The following WDR19 variants were observed in gnomAD, a reference collection of about 807,000 sequenced individuals.
The protein encoded by WDR19 is WD repeat-containing protein 19.
WDR19 carries 121 observed loss-of-function variants against 180.0 expected under a neutral mutation model. That is an observed-to-expected ratio of 0.67 (90% CI 0.58 to 0.78). The LOEUF is 0.78. WDR19 is among the 30% of genes least tolerant of loss of function. The pLI, the probability that WDR19 is intolerant of heterozygous loss-of-function variation, is 0.00. For synonymous variants in WDR19, 497 were observed against 540.7 expected (o/e 0.92, Z 1.12); for missense variants, 1,450 against 1,640.7 (o/e 0.88, Z 2.01).
intron 24 of WDR19, among the ~76,000 whole-genome samples, chr4:39,250,346 G>A (rs1218769795): frequency 6.6e-6 from 1 of 152,190 alleles, no homozygotes; most frequent in African/African-American, 2.4e-5. Context: ...AGGTATTGAT[G>A]AGACGTATCT....
At chr4:39,203,566 T>C in intron 6 of WDR19, 76 bp from the exon 7 acceptor site, 1 of 1,224,270 alleles carries the variant, frequency 8.2e-7, no homozygotes. Flanking sequence ...TGAAAACAAG[T>C]TATCCATTCT....
In WDR19 at chr4:39,273,041, A is replaced by G. The variant is rs1277873234; in HGVS notation, c.3545A>G (p.Asn1182Ser). ...CGCATGCTCATTCGGGTGGCCAACA[A>G]CATCAGCAAATTTCCATCACGTAAG... is the stretch of plus-strand genomic sequence containing the variant. ...GARMLIRVANNISKFPSHIVP... is the reference protein window; with the variant it reads ...GARMLIRVANSISKFPSHIVP... Residue 1182 changes from asparagine (N) to serine (S), a missense_variant, in exon 32 of 37, where the codon AAC (asparagine) becomes AGC (serine). Asn to Ser is a conservative substitution (Grantham distance 46). Transcript: ENST00000399820. 1.9e-6 allele frequency: 3 copies of G among 1,605,492 alleles called. No homozygotes were observed. The highest frequency in any genetic ancestry group is 2.6e-6 in the Non-Finnish European group (3 of 1,176,148).
chr4:39,235,505 A>C (rs899702288), intron 20 of WDR19, among the ~76,000 whole-genome samples: 15 of 152,186 alleles, frequency 9.9e-5, no homozygotes, highest in African/African-American at 3.6e-4. Flanking sequence ...ACTTATGTTC[A>C]TGGTTCTGAC....
At chr4:39,201,464 C>T (rs955282001) in intron 6 of WDR19, among the ~76,000 whole-genome samples, 1 of 152,074 alleles carries the variant, frequency 6.6e-6, no homozygotes, top group Admixed American at 6.6e-5. Flanking sequence ...GTAGATAGTG[C>T]AAAACATTTA....
At position 39,210,748 on chromosome 4, in the gene WDR19, T is replaced by C. The variant is rs4974993; in HGVS notation, c.891-3853T>C. 4.8e-3 allele frequency among the ~76,000 whole-genome samples: 728 copies of C among 152,214 alleles called. 3 individuals are homozygous for C. Among genetic ancestry groups the C allele is most frequent in the Non-Finnish European group, 8.0e-3 (542 of 68,010 alleles). ...CAAACCGTATATATAATCACATCAA[T>C]TGACACAGAAAAAGCATTGCACAAA... On this transcript the variant is annotated intron_variant, in intron 9 of 36. Coordinates refer to ENST00000399820, the MANE Select transcript of WDR19 (RefSeq NM_025132.4).
At chr4:39,234,706 G>A (rs1731203985) in intron 19 of WDR19, 60 bp from the exon 20 acceptor site, 4 of 1,063,232 alleles carry the variant, frequency 3.8e-6, no homozygotes, top group Middle Eastern at 2.0e-4. Flanking sequence ...CTAGCTCTTT[G>A]TGGTAACTTT....
chr4:39,276,950 T>G, intron 33 of WDR19, 70 bp from the exon 34 acceptor site: 3 of 1,591,966 alleles, frequency 1.9e-6, no homozygotes, highest in Non-Finnish European at 2.6e-6. Flanking sequence ...TTTCCAAATA[T>G]GCTTTCTCTT....
intron 14 of WDR19, among the ~76,000 whole-genome samples, chr4:39,222,309 C>A (rs934183175): frequency 6.6e-6 from 1 of 152,100 alleles, no homozygotes; most frequent in East Asian, 1.9e-4. Context: ...TATTTGGATT[C>A]AACTCCTTTA....
chr4:39,278,662 A>G lies in WDR19; in HGVS notation c.*12A>G, dbSNP rs1433158644. On this transcript the variant is annotated splice_region_variant and 3_prime_UTR_variant, in exon 36 of 37. Coordinates refer to ENST00000399820, the MANE Select transcript of WDR19 (RefSeq NM_025132.4). ...AGGAGGAACTGTGATTGGCACGTGC[A>G]GGTGAGTGGCAGAGCGCCCACGCAC... The G allele has an allele frequency of 6.3e-7, 1 of 1,596,894 alleles. No individual in the cohort carries two copies. Among genetic ancestry groups the G allele is most frequent in the East Asian group, 2.2e-5 (1 of 44,566 alleles).
At chr4:39,272,494 T>C (rs1735466371) in intron 31 of WDR19, among the ~76,000 whole-genome samples, 1 of 152,218 alleles carries the variant, frequency 6.6e-6, no homozygotes. Context: ...CTGCTGACTC[T>C]CGAGGCTCAC....
rs1283244133 is a variant in WDR19 at position 39,244,270 on chromosome 4, C to T, written c.2444C>T (p.Ala815Val). The part of the protein sequence containing the change: ...DNKEHDEACL[A>V]GVAQMSIRMG... ...CAGGAACATGATGAAGCTTGTCTGG[C>T]TGGAGTGGCCCAGATGTCCATAAGA... The change falls in exon 22 of 37, where the codon GCT becomes GTT. Residue 815 changes from alanine (A) to valine (V), a missense_variant. Transcript: ENST00000399820. 6.2e-7 allele frequency: 1 copy of T among 1,613,010 alleles called. No individual in the cohort carries two copies. The highest frequency in any genetic ancestry group is 8.5e-7 in the Non-Finnish European group (1 of 1,179,234).
rs1346778267 is a variant in WDR19, at chr4:39,224,949, C to T, written c.1545C>T (p.Val515=). 1.9e-6 allele frequency: 3 copies of T among 1,581,326 alleles called. No homozygotes were observed. The highest frequency in any genetic ancestry group is 3.6e-5 in the Admixed American group (2 of 55,190). ...TCGTTAATGATTATCGACATCCTGT[C>T]AGTGTGAAAAAGATTTTTCCCGACC... ...WQFVNDYRHP[V]SVKKIFPDPN... Residue 515 remains valine, a synonymous_variant, in exon 15 of 37, where the codon GTC becomes GTT. Coordinates refer to ENST00000399820, the MANE Select transcript of WDR19 (RefSeq NM_025132.4).
Position 39,266,093 on chromosome 4 carries a change from A to G in WDR19, c.3214A>G (p.Asn1072Asp). 1 of 1,560,298 alleles carries G rather than the reference A, an allele frequency of 6.4e-7. No individual in the cohort carries two copies. Among genetic ancestry groups the G allele is most frequent in the South Asian group, 1.2e-5 (1 of 84,350 alleles). The stretch of plus-strand genomic sequence containing the variant: ...TCAGGCCAAAGATGAACTGCTGACC[A>G]ATCAGCTGATAGACCATCTCCTGGG... Reference protein sequence around the residue: ...VGQAKDELLTNQLIDHLLGEN... With the variant: ...VGQAKDELLTDQLIDHLLGEN... The change falls in exon 29 of 37, where the codon AAT (asparagine) becomes GAT (aspartate). Residue 1072 changes from asparagine to aspartate, a missense_variant. Physicochemically the swap from Asn to Asp is conservative, Grantham distance 23. Coordinates refer to ENST00000399820, the MANE Select transcript of WDR19 (RefSeq NM_025132.4).
At chr4:39,281,299 TTTC>T (rs1420777688) in intron 36 of WDR19, among the ~76,000 whole-genome samples, 4 of 150,776 alleles carry the variant, frequency 2.7e-5, no homozygotes, top group Admixed American at 1.3e-4. Context: ...ATTTTTCTGT[TTTC>T]TTCTAGAAGC....
At chr4:39,271,262 G>C (rs1444246933) in intron 31 of WDR19, among the ~76,000 whole-genome samples, 2 of 152,178 alleles carry the variant, frequency 1.3e-5, no homozygotes, top group Non-Finnish European at 2.9e-5. Context: ...TGTTAATAGT[G>C]TTGTATATAT....
intron 9 of WDR19, chr4:39,205,948 T>G: frequency 2.1e-6 from 1 of 484,350 alleles, no homozygotes; most frequent in Admixed American, 3.5e-5. Flanking sequence ...TAGTTCTGGG[T>G]AACATGGAGT....
chr4:39,261,144 ATT>A (rs35966394), intron 28 of WDR19, among the ~76,000 whole-genome samples: 3,126 of 135,164 alleles, frequency 0.023, 44 homozygotes, highest in Non-Finnish European at 0.028. Context: ...ACACGCGGCT[ATT>A]TTTTTTTTTT....
At position 39,225,047 on chromosome 4, in the gene WDR19, A is replaced by G. The variant is rs1730106117; in HGVS notation, c.1629+14A>G. 1 of 1,505,718 alleles carries G rather than the reference A, an allele frequency of 6.6e-7. No homozygotes were observed. The allele number at this position is 1,505,718 out of a possible 1,614,324, so 93.3% of individuals were successfully genotyped here. A position where few individuals can be genotyped will look rare whatever the true frequency, so the allele number is the denominator to read the frequency against. ...GTTTACTGTCCAGTAAGTCTGGAACATTTTTAAATGTTTATTTTTTGAAAT... is the reference window on the plus strand; with the variant it reads ...GTTTACTGTCCAGTAAGTCTGGAACGTTTTTAAATGTTTATTTTTTGAAAT... On this transcript the variant is annotated intron_variant, in intron 15 of 36. Coordinates refer to ENST00000399820, the MANE Select transcript of WDR19 (RefSeq NM_025132.4).
chr4:39,254,150 C>CATTT (rs1394442816), intron 26 of WDR19, 120 bp downstream of exon 26: 1 of 945,404 alleles, frequency 1.1e-6, no homozygotes, highest in African/African-American at 1.7e-5. Context: ...AAATGTTTAC[C>CATTT]ATTTATACAT....
Sources: allele counts gnomAD v4.1 joint callset (sites outside exome capture counted in the v4.1 genomes callset), GRCh38; gene constraint gnomAD v4.1.1; transcripts MANE v1.5; gene names NCBI Gene and HGNC (gene_info 2026-07-23, HGNC 2026-07-21).